The following ARB2A variants were observed in gnomAD, a reference collection of about 807,000 sequenced individuals.
The protein encoded by ARB2A is cotranscriptional regulator ARB2A.
the ARB2A span, among the ~76,000 whole-genome samples, chr5:93,872,369 A>C: frequency 1.3e-5 from 2 of 152,180 alleles, no homozygotes; most frequent in African/African-American, 4.8e-5. Context: ...CTAAAGTCAC[A>C]GTTGGTAAGC....
the ARB2A span, among the ~76,000 whole-genome samples, chr5:94,076,652 A>G: frequency 6.6e-6 from 1 of 152,156 alleles, no homozygotes; most frequent in Admixed American, 6.5e-5. Context: ...CCCACATGAT[A>G]GTGCACAAAT....
the ARB2A span, among the ~76,000 whole-genome samples, chr5:94,054,119 A>T: frequency 1.3e-5 from 2 of 152,168 alleles, no homozygotes; most frequent in Non-Finnish European, 2.9e-5. Flanking sequence ...CAGTACGAAG[A>T]GTGTGTTATA....
At chr5:93,784,154 T>C in the ARB2A span, 88 of 422,910 alleles carry the variant, frequency 2.1e-4, no homozygotes, top group African/African-American at 1.0e-3. Flanking sequence ...TATACACATA[T>C]AGTGTTCTAT....
chr5:93,683,176 A>T, the ARB2A span: 5 of 1,324,628 alleles, frequency 3.8e-6, no homozygotes, highest in Non-Finnish European at 5.4e-6. Flanking sequence ...CCTCATCATC[A>T]AAATCATCAT....
At chr5:93,760,157 A>G in the ARB2A span, among the ~76,000 whole-genome samples, 1 of 152,170 alleles carries the variant, frequency 6.6e-6, no homozygotes, top group Non-Finnish European at 1.5e-5. Flanking sequence ...TAGCTGCAAA[A>G]AACAAAACAA....
At chr5:93,980,976 T>C in the ARB2A span, among the ~76,000 whole-genome samples, 11 of 152,142 alleles carry the variant, frequency 7.2e-5, no homozygotes, top group Admixed American at 3.3e-4. Flanking sequence ...TCCCCTAAAA[T>C]ATTTGCCTTT....
the ARB2A span, among the ~76,000 whole-genome samples, chr5:93,992,065 C>T: frequency 6.6e-6 from 1 of 151,958 alleles, no homozygotes; most frequent in Non-Finnish European, 1.5e-5. Context: ...AGACATACAA[C>T]TCCTCAACAG....
the ARB2A span, among the ~76,000 whole-genome samples, chr5:93,877,293 A>G: frequency 1.3e-5 from 2 of 152,102 alleles, no homozygotes; most frequent in African/African-American, 2.4e-5. Flanking sequence ...TACTCTACAC[A>G]TAGTCTCTAA....
the ARB2A span, among the ~76,000 whole-genome samples, chr5:93,924,997 T>G: frequency 2.6e-5 from 4 of 152,268 alleles, no homozygotes; most frequent in South Asian, 8.3e-4. Flanking sequence ...TTCTCCTGAC[T>G]AACTACCACC....
At chr5:94,106,422 TAAG>T in the ARB2A span, among the ~76,000 whole-genome samples, 1 of 151,648 alleles carries the variant, frequency 6.6e-6, no homozygotes, top group African/African-American at 2.4e-5. Flanking sequence ...AAAACCAAAA[TAAG>T]AACCATCTCA....
chr5:93,665,873 T>C, the ARB2A span, among the ~76,000 whole-genome samples: 30 of 152,314 alleles, frequency 2.0e-4, no homozygotes, highest in African/African-American at 6.5e-4. Flanking sequence ...AATTTACACA[T>C]GAATCAACTT....
the ARB2A span, among the ~76,000 whole-genome samples, chr5:93,757,159 C>G: frequency 1.1e-4 from 17 of 151,944 alleles, no homozygotes; most frequent in Admixed American, 6.6e-5. Context: ...TTCTAATTAA[C>G]CCAATCCAAC....
At chr5:94,075,811 T>C in the ARB2A span, among the ~76,000 whole-genome samples, 1 of 152,180 alleles carries the variant, frequency 6.6e-6, no homozygotes, top group African/African-American at 2.4e-5. Flanking sequence ...TTTAAAACTA[T>C]GAATGTTCCA....
chr5:93,867,545 G>A, the ARB2A span, among the ~76,000 whole-genome samples: 1 of 152,070 alleles, frequency 6.6e-6, no homozygotes, highest in Non-Finnish European at 1.5e-5. Context: ...AGCCTCCCGA[G>A]TAGCTGGGAC....
chr5:94,110,819 G>C, the ARB2A span, among the ~76,000 whole-genome samples: 11 of 152,110 alleles, frequency 7.2e-5, no homozygotes, highest in Admixed American at 3.9e-4. Context: ...CTTTTTTGAG[G>C]ATTTGGGAGA....
chr5:93,935,214 T>A, the ARB2A span, among the ~76,000 whole-genome samples: 1 of 151,910 alleles, frequency 6.6e-6, no homozygotes, highest in African/African-American at 2.4e-5. Context: ...CACCACCTGT[T>A]CCCCAAAAAC....
chr5:93,793,708 G>T, the ARB2A span, among the ~76,000 whole-genome samples: 2 of 152,036 alleles, frequency 1.3e-5, no homozygotes, highest in African/African-American at 4.8e-5. Flanking sequence ...TGGTTCCCTA[G>T]GAAAGACTCT....
the ARB2A span, chr5:93,621,027 A>C: frequency 6.2e-7 from 1 of 1,611,400 alleles, no homozygotes; most frequent in African/African-American, 1.3e-5. Context: ...GCGGCGCGTC[A>C]CAGCCGGCTT....
chr5:93,985,473 T>C, the ARB2A span, among the ~76,000 whole-genome samples: 7 of 151,244 alleles, frequency 4.6e-5, no homozygotes, highest in South Asian at 1.5e-3. Context: ...CTCCCTCTAT[T>C]ACCGAGGCTG....
Sources: gnomAD v4.1 joint callset for allele counts (sites outside exome capture counted in the v4.1 genomes callset) on GRCh38, gnomAD v4.1.1 for gene constraint, MANE v1.5 for transcripts, NCBI Gene and HGNC (gene_info 2026-07-23, HGNC 2026-07-21) for gene names.